Variants in KLHL32 observed in about 807,000 individuals in gnomAD.
The protein encoded by KLHL32 is kelch-like protein 32.
A neutral mutation model predicts 64.8 loss-of-function variants in KLHL32; 35 were observed. The ratio of observed to expected loss-of-function variants is 0.54; its 90% confidence interval spans 0.41 to 0.72. KLHL32 has a LOEUF of 0.72. KLHL32 is among the 30% of genes least tolerant of loss of function. KLHL32 has a pLI of 0.00. For synonymous variants in KLHL32, 259 were observed against 281.0 expected (o/e 0.92, Z 0.78); for missense variants, 589 against 768.5 (o/e 0.77, Z 2.76).
chr6:96,906,037 G>A, the KLHL32 span, among the ~76,000 whole-genome samples: 1 of 152,222 alleles, frequency 6.6e-6, no homozygotes, highest in South Asian at 2.1e-4. Context: ...GTTAGCTTCT[G>A]TCTCCATTGT....
intron 5 of KLHL32, among the ~76,000 whole-genome samples, chr6:97,077,311 A>G (rs1021220105): frequency 3.9e-5 from 6 of 152,312 alleles, no homozygotes; most frequent in South Asian, 2.1e-4. Flanking sequence ...TTCACAAATA[A>G]TAATCATTTG....
At chr6:97,029,526 GTAT>G (rs1370542123) in intron 3 of KLHL32, among the ~76,000 whole-genome samples, 2 of 152,100 alleles carry the variant, frequency 1.3e-5, no homozygotes, top group African/African-American at 2.4e-5. Context: ...TTCTCTGACA[GTAT>G]TATTATACTA....
chr6:96,911,620 A>G, the KLHL32 span, among the ~76,000 whole-genome samples: 23 of 151,564 alleles, frequency 1.5e-4, no homozygotes, highest in Non-Finnish European at 5.9e-5. Context: ...CCTCCCATTT[A>G]CTCCTCACCC....
intron 6 of KLHL32, among the ~76,000 whole-genome samples, chr6:97,096,164 T>C (rs552796168): frequency 2.0e-5 from 3 of 152,338 alleles, no homozygotes; most frequent in Admixed American, 6.5e-5. Context: ...GCATAAGTTT[T>C]ATATAAAAAT....
chr6:96,919,252 G>A, the KLHL32 span, among the ~76,000 whole-genome samples: 2 of 152,102 alleles, frequency 1.3e-5, no homozygotes, highest in African/African-American at 2.4e-5. Flanking sequence ...CCAGTAATGA[G>A]GTTATCAATA....
At chr6:96,916,224 C>T in the KLHL32 span, among the ~76,000 whole-genome samples, 1 of 151,032 alleles carries the variant, frequency 6.6e-6, no homozygotes, top group East Asian at 1.9e-4. Flanking sequence ...ACTCGGCAGT[C>T]TATGAGTGGT....
At chr6:97,056,267 G>C (rs901364761) in intron 4 of KLHL32, among the ~76,000 whole-genome samples, 112 of 151,798 alleles carry the variant, frequency 7.4e-4, no homozygotes, top group African/African-American at 2.6e-3. Context: ...CACCACGCCC[G>C]GCTAATTTTT....
upstream of KLHL32, among the ~76,000 whole-genome samples, chr6:96,922,884 A>T (rs1201904418): frequency 6.6e-6 from 1 of 152,220 alleles, no homozygotes; most frequent in Non-Finnish European, 1.5e-5. Flanking sequence ...TATAAACTTT[A>T]AATCAATACT....
intron 6 of KLHL32, among the ~76,000 whole-genome samples, chr6:97,113,309 G>T (rs776955994): frequency 1.3e-5 from 2 of 152,018 alleles, no homozygotes; most frequent in African/African-American, 2.4e-5. Flanking sequence ...ACACCCTGTG[G>T]TCTCAGATGA....
chr6:97,073,235 A>C (rs1362638929), intron 5 of KLHL32, among the ~76,000 whole-genome samples: 1 of 152,146 alleles, frequency 6.6e-6, no homozygotes, highest in Non-Finnish European at 1.5e-5. Flanking sequence ...TCTGTTCCTG[A>C]AATTTTGGGG....
chr6:97,074,970 C>T (rs1038523455), intron 5 of KLHL32, among the ~76,000 whole-genome samples: 4 of 151,996 alleles, frequency 2.6e-5, no homozygotes, highest in African/African-American at 7.2e-5. Context: ...TTTTGCAGCA[C>T]GTAGTGACTG....
intron 3 of KLHL32, among the ~76,000 whole-genome samples, chr6:97,009,728 T>C (rs1401859042): frequency 6.6e-6 from 1 of 152,230 alleles, no homozygotes; most frequent in African/African-American, 2.4e-5. Flanking sequence ...AGACTGCCTG[T>C]ATTTCATGCT....
intron 7 of KLHL32, among the ~76,000 whole-genome samples, chr6:97,115,367 C>G (rs558627826): frequency 6.6e-6 from 1 of 152,172 alleles, no homozygotes; most frequent in Admixed American, 6.5e-5. Flanking sequence ...GTTACTTGTG[C>G]CATTCTAACC....
chr6:96,968,235 C>G lies in KLHL32; in HGVS notation c.23+1152C>G, dbSNP rs111972356. 1.2e-4 allele frequency among the ~76,000 whole-genome samples: 19 copies of G among 152,206 alleles called. 1 individual carries two copies. Among genetic ancestry groups the G allele is most frequent in the African/African-American group, 4.8e-5 (2 of 41,526 alleles). The stretch of plus-strand genomic sequence containing the variant: ...GGTGGATGGTTTTGCCACCAGTGTA[C>G]GTTGTGCAATATCTGACAATGTTTT... On this transcript the variant is annotated intron_variant, in intron 2 of 10. Transcript: ENST00000369261.
At chr6:97,073,737 A>G (rs1562307660) in intron 5 of KLHL32, among the ~76,000 whole-genome samples, 1 of 151,770 alleles carries the variant, frequency 6.6e-6, no homozygotes, top group Non-Finnish European at 1.5e-5. Context: ...TATTTAAAAG[A>G]AAAAAAATCT....
At chr6:96,960,886 C>G (rs1773809537) in intron 1 of KLHL32, among the ~76,000 whole-genome samples, 1 of 152,084 alleles carries the variant, frequency 6.6e-6, no homozygotes, top group Non-Finnish European at 1.5e-5. Flanking sequence ...TGTCTAAAGA[C>G]CTAGAATCAA....
At chr6:97,096,187 G>A (rs1348632220) in intron 6 of KLHL32, among the ~76,000 whole-genome samples, 1 of 152,124 alleles carries the variant, frequency 6.6e-6, no homozygotes, top group East Asian at 1.9e-4. Flanking sequence ...TGAGTAAAGA[G>A]GTTAAAAGCC....
At chr6:96,924,558 A>T (rs1333279527), upstream of KLHL32, 2 of 145,920 alleles carry the variant, frequency 1.4e-5, no homozygotes, top group African/African-American at 5.1e-5. Context: ...TGTGCGCGGG[A>T]TCGCGGGGGA....
At chr6:96,928,303 ACAGT>A (rs1345001532) in intron 1 of KLHL32, among the ~76,000 whole-genome samples, 1 of 152,190 alleles carries the variant, frequency 6.6e-6, no homozygotes, top group African/African-American at 2.4e-5. Flanking sequence ...TCTCCACCAG[ACAGT>A]CTGTTGGAAA....
Sources: allele counts gnomAD v4.1 joint callset (sites outside exome capture counted in the v4.1 genomes callset), GRCh38; gene constraint gnomAD v4.1.1; transcripts MANE v1.5; gene names NCBI Gene and HGNC (gene_info 2026-07-23, HGNC 2026-07-21).